The following CNBD1 variants were observed in gnomAD, a reference collection of about 807,000 sequenced individuals.
The protein encoded by CNBD1 is cyclic nucleotide-binding domain-containing protein 1.
A neutral mutation model predicts 54.4 loss-of-function variants in CNBD1; 71 were observed. The observed-to-expected ratio is 1.30, with a 90% CI of 1.08 to 1.59. The LOEUF is 1.59. Ranked by LOEUF, CNBD1 falls within the 40% of genes most tolerant of loss-of-function variation. CNBD1 has a pLI of 0.00. For synonymous variants in CNBD1, 182 were observed against 170.7 expected, an observed-to-expected ratio of 1.07 and a Z score of -0.51; for missense variants, 659 against 518.0, an observed-to-expected ratio of 1.27 and a Z score of -2.64.
chr8:87,265,202 T>A (rs1329348765), intron 6 of CNBD1, among the ~76,000 whole-genome samples: 2 of 152,098 alleles, frequency 1.3e-5, no homozygotes, highest in African/African-American at 4.8e-5. Context: ...GGGATCCAGT[T>A]TCAGCTTTCT....
At chr8:87,033,361 T>C (rs1276520575) in intron 4 of CNBD1, among the ~76,000 whole-genome samples, 2 of 152,184 alleles carry the variant, frequency 1.3e-5, no homozygotes, top group African/African-American at 4.8e-5. Context: ...CCAAGGTCAT[T>C]GTTCAATAAC....
chr8:87,340,797 T>A (rs1810049360), intron 8 of CNBD1, among the ~76,000 whole-genome samples: 1 of 152,098 alleles, frequency 6.6e-6, no homozygotes, highest in Non-Finnish European at 1.5e-5. Context: ...TATCAAAATT[T>A]TTATTTTGTT....
chr8:87,283,750 A>C (rs886163777), intron 6 of CNBD1, among the ~76,000 whole-genome samples: 2 of 152,078 alleles, frequency 1.3e-5, no homozygotes, highest in Non-Finnish European at 1.5e-5. Context: ...TTAGGCAAGG[A>C]GGCACAATTC....
At chr8:87,242,761 A>G (rs1167475874) in intron 6 of CNBD1, among the ~76,000 whole-genome samples, 1 of 152,230 alleles carries the variant, frequency 6.6e-6, no homozygotes, top group East Asian at 1.9e-4. Flanking sequence ...TTTGGCTCAG[A>G]ATAAATCACT....
chr8:87,263,087 G>A (rs1471838084), intron 6 of CNBD1, among the ~76,000 whole-genome samples: 1 of 152,060 alleles, frequency 6.6e-6, no homozygotes, highest in Non-Finnish European at 1.5e-5. Context: ...TGTGTTCCTT[G>A]TAAGATGTCA....
intron 8 of CNBD1, among the ~76,000 whole-genome samples, chr8:87,306,067 A>C (rs1210358028): frequency 2.6e-5 from 4 of 152,108 alleles, no homozygotes; most frequent in African/African-American, 9.6e-5. Context: ...AAGAAAAAAA[A>C]CCATCCCATC....
intron 4 of CNBD1, among the ~76,000 whole-genome samples, chr8:87,137,583 A>G (rs1287511493): frequency 6.6e-6 from 1 of 152,144 alleles, no homozygotes; most frequent in Non-Finnish European, 1.5e-5. Context: ...AACACCTGAG[A>G]GGAGCACCTG....
chr8:86,934,253 A>C (rs1383735703), intron 3 of CNBD1, among the ~76,000 whole-genome samples: 1 of 152,152 alleles, frequency 6.6e-6, no homozygotes, highest in Non-Finnish European at 1.5e-5. Flanking sequence ...TATTATTTTT[A>C]ACAGCTTTAA....
chr8:87,411,397 C>CATATATATATATATAGATATAT (rs1807739475), intron 2 of CNBD1, among the ~76,000 whole-genome samples: 1 of 92,412 alleles, frequency 1.1e-5, no homozygotes, highest in African/African-American at 4.3e-5. Flanking sequence ...CTAGCTATAT[C>CATATATATATATATAGATATAT]ATATATATAT....
intron 6 of CNBD1, among the ~76,000 whole-genome samples, chr8:87,245,990 T>C (rs528126854): frequency 1.3e-5 from 2 of 152,250 alleles, no homozygotes; most frequent in East Asian, 3.9e-4. Context: ...CTTGGACTAA[T>C]ATCTCATATC....
At chr8:87,348,688 T>C (rs1318295138) in intron 8 of CNBD1, among the ~76,000 whole-genome samples, 1 of 152,214 alleles carries the variant, frequency 6.6e-6, no homozygotes, top group Non-Finnish European at 1.5e-5. Context: ...GAGGATGTCC[T>C]TTAATAATCT....
At chr8:87,387,291 A>G (rs1397891473), downstream of CNBD1, among the ~76,000 whole-genome samples, 1 of 152,160 alleles carries the variant, frequency 6.6e-6, no homozygotes, top group African/African-American at 2.4e-5. Flanking sequence ...AAACACTCCA[A>G]TTAAAAGACA....
chr8:86,994,757 C>T (rs960141227), intron 4 of CNBD1, among the ~76,000 whole-genome samples: 1 of 152,048 alleles, frequency 6.6e-6, no homozygotes, highest in Non-Finnish European at 1.5e-5. Flanking sequence ...CGTCAACTCT[C>T]GGTGTTTTCT....
intron 2 of CNBD1, among the ~76,000 whole-genome samples, chr8:86,894,937 G>A (rs1411371421): frequency 6.6e-6 from 1 of 152,176 alleles, no homozygotes; most frequent in Non-Finnish European, 1.5e-5. Context: ...CTCGCATCTG[G>A]CAAGGGTGAT....
intron 4 of CNBD1, among the ~76,000 whole-genome samples, chr8:87,100,228 G>C (rs1255799689): frequency 6.6e-6 from 1 of 152,118 alleles, no homozygotes; most frequent in Non-Finnish European, 1.5e-5. Context: ...ATGGCTTCTG[G>C]TTCTAGAGCC....
chr8:87,358,262 G>GA (rs555605260), intron 10 of CNBD1, among the ~76,000 whole-genome samples: 6 of 151,902 alleles, frequency 3.9e-5, no homozygotes, highest in South Asian at 2.1e-4. Flanking sequence ...AACTCAAAAT[G>GA]AAAAAAATTA....
chr8:87,047,630 C>G (rs1469204208), intron 4 of CNBD1, among the ~76,000 whole-genome samples: 2 of 152,232 alleles, frequency 1.3e-5, no homozygotes, highest in Non-Finnish European at 2.9e-5. Flanking sequence ...TGCTTTTCCA[C>G]TCAGGAGGTG....
At chr8:87,185,014 A>C (rs951568445) in intron 4 of CNBD1, among the ~76,000 whole-genome samples, 1 of 152,142 alleles carries the variant, frequency 6.6e-6, no homozygotes, top group African/African-American at 2.4e-5. Context: ...TATTTTCCGA[A>C]TATATTTGGG....
At chr8:87,368,755 T>G (rs1810697047) in intron 10 of CNBD1, among the ~76,000 whole-genome samples, 1 of 152,034 alleles carries the variant, frequency 6.6e-6, no homozygotes. Context: ...TGACCTTGCT[T>G]TTGTCTGTGC....
Sources: allele counts gnomAD v4.1 joint callset (sites outside exome capture counted in the v4.1 genomes callset), GRCh38; gene constraint gnomAD v4.1.1; transcripts MANE v1.5; gene names NCBI Gene and HGNC (gene_info 2026-07-23, HGNC 2026-07-21).